The following ITGB1 variants were observed in gnomAD, a reference collection of about 807,000 sequenced individuals.
ITGB1 encodes the protein integrin beta-1.
ITGB1 carries 24 observed loss-of-function variants against 86.5 expected under a neutral mutation model. That is an observed-to-expected ratio of 0.28 (90% CI 0.20 to 0.39). The LOEUF (loss-of-function observed/expected upper bound fraction) is 0.39, where lower values mean the gene tolerates loss of function less well. Among genes scored for constraint, ITGB1 ranks in the 10% least tolerant of loss-of-function variants. ITGB1 has a pLI of 1.00. For missense variants in ITGB1, 556 were observed against 946.9 expected, an observed-to-expected ratio of 0.59 and a Z score of 5.42; for synonymous variants, 323 against 316.8, an observed-to-expected ratio of 1.02 and a Z score of -0.21.
At chr10:32,922,081 CT>C (rs147099148) in intron 9 of ITGB1, among the ~76,000 whole-genome samples, 175 bp downstream of exon 9, 1,577 of 152,254 alleles carry the variant, frequency 0.01, 43 homozygotes, top group African/African-American at 0.036. Context: ...GGCCATGAAT[CT>C]TGCTTTTGTA....
chr10:32,949,166 G>A (rs1425574595), intron 1 of ITGB1, among the ~76,000 whole-genome samples: 1 of 152,028 alleles, frequency 6.6e-6, no homozygotes, highest in African/African-American at 2.4e-5. Flanking sequence ...TAAAATAATA[G>A]CATCTATCTC....
At chr10:32,955,666 TATA>T (rs906142559) in intron 1 of ITGB1, 29 of 152,330 alleles carry the variant, frequency 1.9e-4, no homozygotes, top group Admixed American at 1.6e-3. Context: ...TTTTCATTAT[TATA>T]ATATGACCAG....
intron 15 of ITGB1, among the ~76,000 whole-genome samples, chr10:32,903,316 CA>C (rs1288450510): frequency 1.1e-4 from 15 of 135,190 alleles, no homozygotes; most frequent in African/African-American, 4.3e-4. Flanking sequence ...CGCACCACTG[CA>C]CTCCAGACTG....
intron 1 of ITGB1, among the ~76,000 whole-genome samples, chr10:32,943,687 A>G (rs2095024523): frequency 6.6e-6 from 1 of 152,172 alleles, no homozygotes; most frequent in African/African-American, 2.4e-5. Flanking sequence ...TTAAAAATAC[A>G]GTACCAGGTC....
chr10:32,922,868 T>C (rs2094954422), intron 7 of ITGB1, 133 bp from the exon 8 acceptor site: 1 of 567,478 alleles, frequency 1.8e-6, no homozygotes, highest in Non-Finnish European at 3.1e-6. Flanking sequence ...AGATTACATA[T>C]ATAATCCATA....
chr10:32,940,500 T>G (rs573832910), intron 1 of ITGB1, among the ~76,000 whole-genome samples: 1 of 151,390 alleles, frequency 6.6e-6, no homozygotes, highest in Non-Finnish European at 1.5e-5. Context: ...ACCACAAACA[T>G]GTGAGTAATG....
At chr10:32,925,604 G>A (rs1404515395) in intron 6 of ITGB1, among the ~76,000 whole-genome samples, 1 of 152,160 alleles carries the variant, frequency 6.6e-6, no homozygotes, top group Non-Finnish European at 1.5e-5. Context: ...CAGAGAGGTT[G>A]CCCCGCTGTT....
intron 1 of ITGB1, chr10:32,951,852 G>C (rs1015792362): frequency 2.0e-5 from 3 of 152,290 alleles, no homozygotes; most frequent in Admixed American, 6.5e-5. Context: ...GCCAGCAAAA[G>C]AACCAGCATG....
chr10:32,956,518 G>A (rs556784920), intron 1 of ITGB1, among the ~76,000 whole-genome samples: 73 of 152,168 alleles, frequency 4.8e-4, no homozygotes, highest in Non-Finnish European at 5.1e-4. Context: ...GGCCAGCCTG[G>A]GCAGCATAGT....
At chr10:32,918,487 G>A (rs1334268281) in intron 11 of ITGB1, among the ~76,000 whole-genome samples, 1 of 152,212 alleles carries the variant, frequency 6.6e-6, no homozygotes, top group South Asian at 2.1e-4. Flanking sequence ...AGTCACAGTC[G>A]TGTAGTAAAG....
At chr10:32,929,707 T>G in intron 4 of ITGB1, 115 bp downstream of exon 4, 2 of 688,484 alleles carry the variant, frequency 2.9e-6, no homozygotes, top group Non-Finnish European at 5.2e-6. Flanking sequence ...CATTTTTGAG[T>G]GCCAGTCCAC....
At chr10:32,947,063 A>C (rs1418750071) in intron 1 of ITGB1, among the ~76,000 whole-genome samples, 3 of 152,012 alleles carry the variant, frequency 2.0e-5, no homozygotes, top group Non-Finnish European at 4.4e-5. Flanking sequence ...GGCTGGTCTC[A>C]AACTCCTGAC....
intron 11 of ITGB1, among the ~76,000 whole-genome samples, chr10:32,915,088 G>A (rs976456781): frequency 2.0e-5 from 3 of 152,164 alleles, no homozygotes; most frequent in African/African-American, 7.2e-5. Context: ...CAAAATGAAG[G>A]CAGAAATAAA....
At chr10:32,939,574 G>A (rs1271443486) in intron 1 of ITGB1, among the ~76,000 whole-genome samples, 3 of 152,214 alleles carry the variant, frequency 2.0e-5, no homozygotes, top group Non-Finnish European at 2.9e-5. Flanking sequence ...CTGGAATGCT[G>A]CAGTAAGCAT....
chr10:32,900,355 T>G lies in ITGB1; in HGVS notation c.*1215A>C, dbSNP rs139059000. 1.4e-4 allele frequency: 22 copies of G among 152,738 alleles called. No homozygotes were observed. The East Asian group carries it at 4.0e-3, about 28-fold the overall frequency. 9.5% of individuals were successfully genotyped at this position (152,738 alleles called of 1,614,324 possible). On this transcript the variant is annotated 3_prime_UTR_variant, in exon 16 of 16. Transcript: ENST00000302278. ...ACTTCTTTAATCTATAAAAATTTCA[T>G]GCACACAACCTGATAAAATACATCA...
At position 32,908,036 on chromosome 10, in the gene ITGB1, T is replaced by C. The variant is rs545483851; in HGVS notation, c.2331+332A>G. Among the ~76,000 whole-genome samples, 185 of 152,280 alleles carry C rather than the reference T, an allele frequency of 1.2e-3. 1 individual carries two copies. Among genetic ancestry groups the C allele is most frequent in the South Asian group, 0.011 (51 of 4,824 alleles). ...TTTTAAAGAAAGAAGCAGCTTTCCA[T>C]TGAATAGCTTGCTACACAGATAACA... On this transcript the variant is annotated intron_variant, in intron 15 of 15. Coordinates refer to ENST00000302278, the MANE Select transcript of ITGB1 (RefSeq NM_002211.4).
At chr10:32,944,795 TA>T in intron 1 of ITGB1, 1 of 805,280 alleles carries the variant, frequency 1.2e-6, no homozygotes, top group South Asian at 1.3e-5. Flanking sequence ...TGGCTGAGTC[TA>T]CAACATTGAA....
At chr10:32,911,312 G>A (rs2137170044) in intron 13 of ITGB1, 136 bp downstream of exon 13, 1 of 695,694 alleles carries the variant, frequency 1.4e-6, no homozygotes, top group Non-Finnish European at 2.4e-6. Flanking sequence ...AAGAATTAAA[G>A]AGTAGGCTTC....
intron 6 of ITGB1, among the ~76,000 whole-genome samples, chr10:32,924,730 T>C (rs1392593886): frequency 6.6e-6 from 1 of 152,210 alleles, no homozygotes; most frequent in South Asian, 2.1e-4. Context: ...GGCTAGGTAC[T>C]ACCTGGAATG....
Sources: allele counts gnomAD v4.1 joint callset (sites outside exome capture counted in the v4.1 genomes callset), GRCh38; gene constraint gnomAD v4.1.1; transcripts MANE v1.5; gene names NCBI Gene and HGNC (gene_info 2026-07-23, HGNC 2026-07-21).